Variants in JAZF1 observed in about 807,000 individuals in gnomAD.
JAZF1 encodes the protein JAZF zinc finger 1.
A neutral mutation model predicts 26.4 loss-of-function variants in JAZF1; 8 were observed. That is an observed-to-expected ratio of 0.30 (90% CI 0.18 to 0.55). The LOEUF is 0.55. Ranked by LOEUF, JAZF1 falls within the 20% of genes least tolerant of loss-of-function variation. The pLI is 0.94. For synonymous variants in JAZF1, 126 were observed against 122.3 expected (o/e 1.03, Z -0.20); for missense variants, 199 against 322.0 (o/e 0.62, Z 2.92).
At position 28,055,993 on chromosome 7, in the gene JAZF1, C is replaced by T. The variant is rs184762486; in HGVS notation, c.116-64012G>A. Reference sequence around the variant, plus strand: ...ATTGTACTATGGTGCTTATCTTCTGCCTGATACTACAGCTACATAGTAGCC... The same window carrying T: ...ATTGTACTATGGTGCTTATCTTCTGTCTGATACTACAGCTACATAGTAGCC... On this transcript the variant is annotated intron_variant, in intron 1 of 4. Coordinates refer to ENST00000283928, the MANE Select transcript of JAZF1 (RefSeq NM_175061.4). Among the ~76,000 whole-genome samples, 416 of 152,274 alleles carry T rather than the reference C, an allele frequency of 2.7e-3. 2 individuals are homozygous for T. The highest frequency in any genetic ancestry group is 9.2e-3 in the African/African-American group (384 of 41,550).
chr7:27,961,859 C>T (rs891926239), intron 2 of JAZF1, among the ~76,000 whole-genome samples: 3 of 152,142 alleles, frequency 2.0e-5, no homozygotes, highest in Non-Finnish European at 4.4e-5. Context: ...TGATGCTCTC[C>T]GGATCTTTCC....
chr7:28,150,666 C>T (rs1210238857), intron 1 of JAZF1, among the ~76,000 whole-genome samples: 3 of 152,214 alleles, frequency 2.0e-5, no homozygotes, highest in Non-Finnish European at 4.4e-5. Flanking sequence ...AGAGGCCACA[C>T]AACTTGCCCA....
At position 27,832,309 on chromosome 7, in the gene JAZF1, TC is replaced by T. The variant is rs1782719949; in HGVS notation, c.*490del. ...TTATATTTCCATTACCTAAAGTCTTTCTACTCACAAATACTAACTCCATTAT... is the reference window on the plus strand; with the variant it reads ...TTATATTTCCATTACCTAAAGTCTTTTACTCACAAATACTAACTCCATTAT... On this transcript the variant is annotated 3_prime_UTR_variant, in exon 5 of 5. Coordinates refer to ENST00000283928, the MANE Select transcript of JAZF1 (RefSeq NM_175061.4). 4.7e-6 allele frequency: 1 copy of T among 215,042 alleles called. No individual in the cohort carries two copies. The highest frequency in any genetic ancestry group is 2.3e-5 in the African/African-American group (1 of 44,404). 13.3% of individuals were successfully genotyped at this position (215,042 alleles called of 1,614,324 possible).
chr7:28,163,104 T>C (rs959937191), intron 1 of JAZF1, among the ~76,000 whole-genome samples: 4 of 152,168 alleles, frequency 2.6e-5, no homozygotes, highest in Non-Finnish European at 5.9e-5. Context: ...TACCAGATAA[T>C]AACAAAAGCA....
rs117315620 is a variant in JAZF1, at chr7:27,881,265, A to T, written c.385+13955T>A. Among the ~76,000 whole-genome samples the T allele has an allele frequency of 4.0e-3, 609 of 151,944 alleles. 4 individuals carry two copies. The highest frequency in any genetic ancestry group is 4.9e-3 in the Non-Finnish European group (331 of 67,972). On this transcript the variant is annotated intron_variant, in intron 3 of 4. Coordinates refer to ENST00000283928, the MANE Select transcript of JAZF1 (RefSeq NM_175061.4). ...TAGCCCATCTAGCCCTTCAGAACCAACTCCAGTCAAGATCCCCTTGGTAGC... is the reference window on the plus strand; with the variant it reads ...TAGCCCATCTAGCCCTTCAGAACCATCTCCAGTCAAGATCCCCTTGGTAGC...
chr7:28,163,377 T>C (rs746562011), intron 1 of JAZF1, among the ~76,000 whole-genome samples: 4 of 152,058 alleles, frequency 2.6e-5, no homozygotes, highest in Non-Finnish European at 5.9e-5. Flanking sequence ...CTCCATGACA[T>C]CGACTTGGAA....
chr7:27,949,685 C>T (rs1008444060), intron 2 of JAZF1, among the ~76,000 whole-genome samples: 1 of 152,164 alleles, frequency 6.6e-6, no homozygotes, highest in South Asian at 2.1e-4. Context: ...ATTGCTTGAA[C>T]CCAGGACAGA....
chr7:28,074,861 C>A (rs1237926574), intron 1 of JAZF1, among the ~76,000 whole-genome samples: 1 of 152,136 alleles, frequency 6.6e-6, no homozygotes, highest in Admixed American at 6.5e-5. Flanking sequence ...CTGTGAATCC[C>A]ATGAGCACAG....
At position 28,163,308 on chromosome 7, in the gene JAZF1, T is replaced by C. The variant is rs187156438; in HGVS notation, c.115+17155A>G. On this transcript the variant is annotated intron_variant, in intron 1 of 4. Transcript: ENST00000283928. Reference sequence around the variant, plus strand: ...CTCTCTCAGCCACAAGAAGGTGTGATATACAGTGGGAGAAAGGGAAAAAGA... The same window carrying C: ...CTCTCTCAGCCACAAGAAGGTGTGACATACAGTGGGAGAAAGGGAAAAAGA... 2.3e-4 allele frequency among the ~76,000 whole-genome samples: 35 copies of C among 152,260 alleles called. No individual in the cohort carries two copies. In the East Asian group the frequency reaches 6.6e-3, roughly 29 times the overall value.
At chr7:27,866,866 G>A (rs1783482551) in intron 3 of JAZF1, among the ~76,000 whole-genome samples, 1 of 152,154 alleles carries the variant, frequency 6.6e-6, no homozygotes, top group African/African-American at 2.4e-5. Flanking sequence ...AAGAAGACAC[G>A]CTGTCTCTCT....
chr7:27,947,971 T>TTAGG (rs1784944905), intron 2 of JAZF1, among the ~76,000 whole-genome samples: 1 of 151,882 alleles, frequency 6.6e-6, no homozygotes, highest in South Asian at 2.1e-4. Flanking sequence ...TATCTTACAC[T>TTAGG]TAGGTCTTTT....
intron 3 of JAZF1, among the ~76,000 whole-genome samples, chr7:27,855,065 C>A (rs1207509481): frequency 1.3e-5 from 2 of 152,088 alleles, no homozygotes; most frequent in African/African-American, 4.8e-5. Flanking sequence ...TGTTCCTTTT[C>A]ATTCTCTTTT....
Position 27,998,223 on chromosome 7 carries a change from T to C in JAZF1, c.116-6242A>G, listed in dbSNP as rs577259590. The stretch of plus-strand genomic sequence containing the variant: ...TCCTGAGTCTTATTGGGCCAGCATT[T>C]GGACTATTAAAAATGCTGCTTATCC... On this transcript the variant is annotated intron_variant, in intron 1 of 4. Coordinates refer to ENST00000283928, the MANE Select transcript of JAZF1 (RefSeq NM_175061.4). Among the ~76,000 whole-genome samples the C allele has an allele frequency of 2.2e-4, 34 of 152,298 alleles. No homozygotes were observed. The South Asian group carries it at 6.4e-3, about 29-fold the overall frequency.
At chr7:27,950,614 G>A (rs1784993455) in intron 2 of JAZF1, among the ~76,000 whole-genome samples, 1 of 152,166 alleles carries the variant, frequency 6.6e-6, no homozygotes, top group African/African-American at 2.4e-5. Flanking sequence ...AGAACCAAAT[G>A]TCAAACACAG....
intron 1 of JAZF1, among the ~76,000 whole-genome samples, chr7:28,067,617 T>C (rs924364165): frequency 6.6e-5 from 10 of 152,198 alleles, no homozygotes; most frequent in Non-Finnish European, 1.5e-4. Context: ...TTCTCTTGTT[T>C]TCTGCCCAGT....
chr7:28,134,180 C>T (rs1583578320), intron 1 of JAZF1, among the ~76,000 whole-genome samples: 2 of 152,254 alleles, frequency 1.3e-5, no homozygotes, highest in East Asian at 3.9e-4. Context: ...TGGGATACTG[C>T]TTTTTTTAAT....
intron 1 of JAZF1, among the ~76,000 whole-genome samples, chr7:28,051,838 A>T (rs1562570880): frequency 6.6e-6 from 1 of 152,232 alleles, no homozygotes; most frequent in Non-Finnish European, 1.5e-5. Context: ...AATCACAAGG[A>T]AAGAAATCAC....
At chr7:27,891,339 G>A (rs2128341341) in intron 3 of JAZF1, among the ~76,000 whole-genome samples, 1 of 152,304 alleles carries the variant, frequency 6.6e-6, no homozygotes, top group Non-Finnish European at 1.5e-5. Flanking sequence ...GCAAAGTTGA[G>A]TAGCTGAAAC....
chr7:28,035,460 AG>A (rs1445596264), intron 1 of JAZF1, among the ~76,000 whole-genome samples: 1 of 147,164 alleles, frequency 6.8e-6, no homozygotes, highest in African/African-American at 2.7e-5. Context: ...AAATCTAAAG[AG>A]ATAGAGAGTA....
Sources: gnomAD v4.1 joint callset for allele counts (sites outside exome capture counted in the v4.1 genomes callset) on GRCh38, gnomAD v4.1.1 for gene constraint, MANE v1.5 for transcripts, NCBI Gene and HGNC (gene_info 2026-07-23, HGNC 2026-07-21) for gene names.